Variants in PTPRZ1 observed in about 807,000 individuals in gnomAD.
PTPRZ1 encodes the protein protein tyrosine phosphatase receptor type Z1.
PTPRZ1 carries 82 observed loss-of-function variants against 214.1 expected under a neutral mutation model. That is an observed-to-expected ratio of 0.38 (90% CI 0.32 to 0.46). PTPRZ1 has a LOEUF of 0.46. Ranked by LOEUF, PTPRZ1 falls within the 20% of genes least tolerant of loss-of-function variation. The probability of loss-of-function intolerance (pLI) is 1.00; values close to 1 mark genes in which losing one functional copy is unlikely to be tolerated. For synonymous variants in PTPRZ1, 945 were observed against 987.9 expected (o/e 0.96, Z 0.81); for missense variants, 2,603 against 2,748.7 (o/e 0.95, Z 1.19).
chr7:121,969,809 A>T (rs866078005), intron 3 of PTPRZ1, among the ~76,000 whole-genome samples: 20 of 151,486 alleles, frequency 1.3e-4, no homozygotes, highest in South Asian at 8.3e-4. Flanking sequence ...TTATATATAT[A>T]TTTTTATTAT....
chr7:121,892,774 C>G (rs1206448369), intron 1 of PTPRZ1, among the ~76,000 whole-genome samples: 1 of 142,856 alleles, frequency 7.0e-6, no homozygotes, highest in Admixed American at 7.3e-5. Flanking sequence ...ATAATCAGTT[C>G]TCCATAATAA....
At chr7:122,053,444 G>A (rs1042109616) in intron 25 of PTPRZ1, among the ~76,000 whole-genome samples, 10 of 152,142 alleles carry the variant, frequency 6.6e-5, no homozygotes, top group African/African-American at 1.9e-4. Flanking sequence ...TGGATGGGAC[G>A]ATGTAGAACT....
chr7:121,936,401 A>C (rs963916109), intron 2 of PTPRZ1, among the ~76,000 whole-genome samples: 4 of 152,222 alleles, frequency 2.6e-5, no homozygotes, highest in Non-Finnish European at 4.4e-5. Context: ...TTATCTGTGA[A>C]TACCATGTGA....
intron 1 of PTPRZ1, among the ~76,000 whole-genome samples, chr7:121,883,038 A>G (rs1364575744): frequency 6.6e-6 from 1 of 152,176 alleles, no homozygotes; most frequent in Admixed American, 6.5e-5. Context: ...GCAAATACAT[A>G]CAAGTCCACA....
At chr7:121,884,739 A>T (rs1794347625) in intron 1 of PTPRZ1, among the ~76,000 whole-genome samples, 1 of 152,220 alleles carries the variant, frequency 6.6e-6, no homozygotes, top group African/African-American at 2.4e-5. Flanking sequence ...TACAGATATG[A>T]ATTGTACCCT....
At position 121,873,283 on chromosome 7, in the gene PTPRZ1, G is replaced by C. The variant is rs549655532; in HGVS notation, c.-217G>C. 2.0e-6 allele frequency: 1 copy of C among 504,742 alleles called. No individual in the cohort carries two copies. The highest frequency in any genetic ancestry group is 3.3e-5 in the South Asian group (1 of 29,916). The allele number at this position is 504,742 out of a possible 1,614,324, so 31.3% of individuals were successfully genotyped here. On this transcript the variant is annotated 5_prime_UTR_variant, in exon 1 of 30. Transcript: ENST00000393386. The stretch of plus-strand genomic sequence containing the variant: ...TTCTCCAGATTATTCCTCTCTCGCT[G>C]TCTCTGACTGTCTCTCTCTGTCTCT...
At position 122,019,145 on chromosome 7, in the gene PTPRZ1, A is replaced by G. The variant is rs1350992528; in HGVS notation, c.4865A>G (p.Glu1622Gly). The G allele has an allele frequency of 2.5e-6, 4 of 1,611,928 alleles. No individual in the cohort carries two copies. The South Asian group carries it at 4.4e-5, about 18-fold the overall frequency. The change falls in exon 13 of 30, where the codon GAG becomes GGG. Residue 1622 changes from glutamate (E) to glycine (G), a missense_variant. Transcript: ENST00000393386. Reference protein sequence around the residue: ...SEAEASNSSHESRIGLAEGLE... With the variant: ...SEAEASNSSHGSRIGLAEGLE... ...ACAGAGGCCAGTAATAGTAGCCATG[A>G]GTCTCGTATTGGTCTAGCTGAGGGG...
At chr7:121,916,239 A>G (rs989197916) in intron 1 of PTPRZ1, among the ~76,000 whole-genome samples, 1 of 145,718 alleles carries the variant, frequency 6.9e-6, no homozygotes, top group Non-Finnish European at 1.5e-5. Context: ...GTGCCACTGC[A>G]CTCCTGACTG....
intron 23 of PTPRZ1, among the ~76,000 whole-genome samples, chr7:122,045,045 C>T (rs1017906268): frequency 6.6e-6 from 1 of 152,116 alleles, no homozygotes; most frequent in East Asian, 1.9e-4. Flanking sequence ...GTTTCTCCCC[C>T]TCACCCTGTC....
At chr7:121,941,515 G>A (rs1796239891) in intron 2 of PTPRZ1, among the ~76,000 whole-genome samples, 1 of 152,210 alleles carries the variant, frequency 6.6e-6, no homozygotes, top group Non-Finnish European at 1.5e-5. Context: ...TTTCTGGAAA[G>A]TGGAATTGCA....
At chr7:121,937,114 T>C (rs2116406453) in intron 2 of PTPRZ1, among the ~76,000 whole-genome samples, 1 of 152,324 alleles carries the variant, frequency 6.6e-6, no homozygotes, top group Non-Finnish European at 1.5e-5. Flanking sequence ...CAGAATATTC[T>C]GGTATGCTTA....
chr7:121,934,109 A>G (rs1796003662), intron 2 of PTPRZ1, among the ~76,000 whole-genome samples: 1 of 152,172 alleles, frequency 6.6e-6, no homozygotes, highest in Admixed American at 6.5e-5. Context: ...TGTGGATGAA[A>G]CCATAGGAGG....
chr7:121,904,961 A>T (rs2116280719), intron 1 of PTPRZ1, among the ~76,000 whole-genome samples: 1 of 152,328 alleles, frequency 6.6e-6, no homozygotes, highest in African/African-American at 2.4e-5. Context: ...AGTTTGGTAG[A>T]TTTAAAGTAA....
At position 121,951,951 on chromosome 7, in the gene PTPRZ1, A is replaced by ATTTT. The variant is rs1273271925; in HGVS notation, c.125-15997_125-15996insTTTT. On this transcript the variant is annotated intron_variant, in intron 2 of 29. Transcript: ENST00000393386. ...GATACCTTTAAATCCATGCGAGTGT[A>ATTTT]TTTATTTATTTATTTTTTTTTTTTT... 3.2e-4 allele frequency among the ~76,000 whole-genome samples: 16 copies of ATTTT among 50,500 alleles called. 1 individual carries two copies. The highest frequency in any genetic ancestry group is 1.9e-3 in the East Asian group (3 of 1,566). The allele number at this position is 50,500 out of a possible 152,430, so 33.1% of individuals were successfully genotyped here.
At position 122,061,899 on chromosome 7, in the gene PTPRZ1, A is replaced by G. The variant is rs567144817; in HGVS notation, c.*679A>G. ...CCTAAGTCATTAACTTTGTTTCAGC[A>G]TGTAATTTTAACTTTTGTGGAAAAT... On this transcript the variant is annotated 3_prime_UTR_variant, in exon 30 of 30. Transcript: ENST00000393386. 1.3e-5 allele frequency: 2 copies of G among 152,714 alleles called. No homozygotes were observed. The highest frequency in any genetic ancestry group is 2.4e-5 in the African/African-American group (1 of 41,564). 9.5% of individuals were successfully genotyped at this position (152,714 alleles called of 1,614,324 possible).
At chr7:121,904,847 A>G in intron 1 of PTPRZ1, among the ~76,000 whole-genome samples, 1 of 152,178 alleles carries the variant, frequency 6.6e-6, no homozygotes, top group East Asian at 1.9e-4. Context: ...TAATAAATGC[A>G]AGCACAATTT....
intron 6 of PTPRZ1, among the ~76,000 whole-genome samples, chr7:121,978,462 G>A (rs1797508717): frequency 6.6e-6 from 1 of 152,144 alleles, no homozygotes; most frequent in Non-Finnish European, 1.5e-5. Context: ...GGGTAAGCAA[G>A]GCATGTATTA....
At position 122,012,977 on chromosome 7, in the gene PTPRZ1, G is replaced by A. The variant is rs773009861; in HGVS notation, c.3931G>A (p.Val1311Ile). Residue 1311 changes from valine to isoleucine, a missense_variant, in exon 12 of 30, where the codon GTA becomes ATA. Val to Ile is a conservative substitution (Grantham distance 29, BLOSUM62 3). Coordinates refer to ENST00000393386, the MANE Select transcript of PTPRZ1 (RefSeq NM_002851.3). Reference sequence around the variant, plus strand: ...GGCCCATCCCCCAAAAGGAAGGCATGTATTTGCTACACCTGTTTTATCAAT... The same window carrying A: ...GGCCCATCCCCCAAAAGGAAGGCATATATTTGCTACACCTGTTTTATCAAT... ...NQAHPPKGRH[V>I]FATPVLSIDE... is the part of the protein sequence containing the mutation. The A allele has an allele frequency of 6.2e-7, 1 of 1,614,104 alleles. No homozygotes were observed. Among genetic ancestry groups the A allele is most frequent in the Non-Finnish European group, 8.5e-7 (1 of 1,179,978 alleles).
intron 29 of PTPRZ1, 104 bp from the exon 30 acceptor site, chr7:122,060,976 T>A: frequency 8.7e-7 from 1 of 1,148,504 alleles, no homozygotes; most frequent in Non-Finnish European, 1.2e-6. Context: ...CACATTGCCC[T>A]TTCATGAACA....
Sources: allele counts gnomAD v4.1 joint callset (sites outside exome capture counted in the v4.1 genomes callset), GRCh38; gene constraint gnomAD v4.1.1; transcripts MANE v1.5; gene names NCBI Gene and HGNC (gene_info 2026-07-23, HGNC 2026-07-21).